The following WWTR1 variants were observed in gnomAD, a reference collection of about 807,000 sequenced individuals.
The protein encoded by WWTR1 is WW domain-containing transcription regulator protein 1.
A neutral mutation model predicts 40.1 loss-of-function variants in WWTR1; 13 were observed. The observed-to-expected ratio is 0.32, with a 90% CI of 0.21 to 0.52. The LOEUF is 0.52. Among genes scored for constraint, WWTR1 ranks in the 20% least tolerant of loss-of-function variants. The pLI is 0.97. For synonymous variants in WWTR1, 230 were observed against 210.1 expected, an observed-to-expected ratio of 1.09 and a Z score of -0.82; for missense variants, 436 against 523.1, an observed-to-expected ratio of 0.83 and a Z score of 1.63.
intron 2 of WWTR1, among the ~76,000 whole-genome samples, chr3:149,610,739 C>G (rs1277088357): frequency 6.6e-6 from 1 of 152,196 alleles, no homozygotes; most frequent in East Asian, 1.9e-4. Context: ...AAAGCAGCCA[C>G]CATTCATTCA....
intron 2 of WWTR1, among the ~76,000 whole-genome samples, chr3:149,646,103 T>C (rs1712512958): frequency 1.3e-5 from 2 of 152,234 alleles, no homozygotes; most frequent in African/African-American, 2.4e-5. Flanking sequence ...ATGAAAGGTA[T>C]GATTAATTGG....
intron 3 of WWTR1, among the ~76,000 whole-genome samples, chr3:149,549,693 G>T (rs1479960550): frequency 6.6e-6 from 1 of 152,106 alleles, no homozygotes; most frequent in Non-Finnish European, 1.5e-5. Context: ...TTAAAAATTA[G>T]CTGGGCATGG....
chr3:149,561,307 T>A (rs942452448), intron 3 of WWTR1, among the ~76,000 whole-genome samples: 5 of 150,778 alleles, frequency 3.3e-5, no homozygotes, highest in African/African-American at 1.2e-4. Flanking sequence ...AAGAAGTATG[T>A]CCAAGTCTAT....
At chr3:149,652,424 C>T (rs1159138203) in intron 2 of WWTR1, among the ~76,000 whole-genome samples, 3 of 151,062 alleles carry the variant, frequency 2.0e-5, no homozygotes, top group Non-Finnish European at 4.4e-5. Flanking sequence ...GAGTTTGAGA[C>T]CAGCCTGGGC....
chr3:149,554,325 C>T (rs1048900578), intron 3 of WWTR1, among the ~76,000 whole-genome samples: 13 of 152,264 alleles, frequency 8.5e-5, no homozygotes, highest in African/African-American at 2.2e-4. Flanking sequence ...GATGGGCCTC[C>T]GGTCCTCCAG....
Position 149,518,653 on chromosome 3 carries a change from C to T in WWTR1, c.*2152G>A, listed in dbSNP as rs1425472309. ...GTCCTTCAGGTAAAATAAGTCATTTCATAGTGATGGAGGCAACAGCAGGCT... is the reference window on the plus strand; with the variant it reads ...GTCCTTCAGGTAAAATAAGTCATTTTATAGTGATGGAGGCAACAGCAGGCT... On this transcript the variant is annotated 3_prime_UTR_variant, in exon 7 of 7. Coordinates refer to ENST00000360632, the MANE Select transcript of WWTR1 (RefSeq NM_015472.6). The T allele has an allele frequency of 6.6e-6, 1 of 151,990 alleles. No homozygotes were observed. Among genetic ancestry groups the T allele is most frequent in the African/African-American group, 2.4e-5 (1 of 41,386 alleles). The allele number at this position is 151,990 out of a possible 1,614,324, so 9.4% of individuals were successfully genotyped here. A position where few individuals can be genotyped will look rare whatever the true frequency, so the allele number is the denominator to read the frequency against.
At chr3:149,676,929 T>A (rs960127148) in intron 1 of WWTR1, among the ~76,000 whole-genome samples, 3 of 151,796 alleles carry the variant, frequency 2.0e-5, no homozygotes, top group African/African-American at 7.3e-5. Context: ...ACTCTTTTTT[T>A]TTTTTTTAGA....
intron 2 of WWTR1, among the ~76,000 whole-genome samples, chr3:149,651,038 C>A (rs547045636): frequency 2.0e-5 from 3 of 152,152 alleles, no homozygotes; most frequent in African/African-American, 7.2e-5. Context: ...ATCTCCTGTG[C>A]GCCAGATGCT....
chr3:149,572,106 T>G (rs1323010085), intron 3 of WWTR1, among the ~76,000 whole-genome samples: 1 of 152,148 alleles, frequency 6.6e-6, no homozygotes, highest in Admixed American at 6.5e-5. Flanking sequence ...AATGGTTAAC[T>G]CCCTTCTAAA....
chr3:149,535,748 C>T (rs980789699), intron 4 of WWTR1, among the ~76,000 whole-genome samples: 2 of 149,782 alleles, frequency 1.3e-5, no homozygotes, highest in African/African-American at 4.9e-5. Flanking sequence ...TGCAGTGGCT[C>T]ACACCTGTAA....
At chr3:149,680,614 A>C (rs1714428318) in intron 1 of WWTR1, among the ~76,000 whole-genome samples, 1 of 151,848 alleles carries the variant, frequency 6.6e-6, no homozygotes, top group African/African-American at 2.4e-5. Flanking sequence ...TGGGAGGATC[A>C]CTTGAGGCCA....
At chr3:149,678,949 C>T (rs1437000551) in intron 1 of WWTR1, among the ~76,000 whole-genome samples, 3 of 151,842 alleles carry the variant, frequency 2.0e-5, no homozygotes, top group East Asian at 3.9e-4. Context: ...CCTGCCTCTG[C>T]CTCCCTAGTA....
intron 2 of WWTR1, among the ~76,000 whole-genome samples, chr3:149,592,199 A>C (rs1221739794): frequency 2.0e-5 from 3 of 152,240 alleles, no homozygotes; most frequent in Non-Finnish European, 4.4e-5. Context: ...TATACAATAC[A>C]TATGCATATA....
chr3:149,560,248 C>A (rs1215041376), intron 3 of WWTR1, among the ~76,000 whole-genome samples: 1 of 152,170 alleles, frequency 6.6e-6, no homozygotes, highest in Non-Finnish European at 1.5e-5. Flanking sequence ...AGTTTCGACA[C>A]TGAGATTCCC....
At chr3:149,614,569 C>A (rs1739879203) in intron 2 of WWTR1, among the ~76,000 whole-genome samples, 1 of 152,194 alleles carries the variant, frequency 6.6e-6, no homozygotes, top group Non-Finnish European at 1.5e-5. Flanking sequence ...ATAAGAATTT[C>A]TTTTCATGTA....
intron 3 of WWTR1, among the ~76,000 whole-genome samples, chr3:149,554,326 G>A (rs887656935): frequency 2.0e-5 from 3 of 152,178 alleles, no homozygotes; most frequent in African/African-American, 4.8e-5. Flanking sequence ...ATGGGCCTCC[G>A]GTCCTCCAGA....
At chr3:149,656,839 G>A in intron 2 of WWTR1, 37 bp downstream of exon 2, 1 of 1,496,150 alleles carries the variant, frequency 6.7e-7, no homozygotes, top group Non-Finnish European at 8.8e-7. Flanking sequence ...GTTGGGCACT[G>A]TGACTTGGTG....
At chr3:149,644,536 C>T (rs78404033) in intron 2 of WWTR1, among the ~76,000 whole-genome samples, 4,307 of 152,250 alleles carry the variant, frequency 0.028, 74 homozygotes, top group Non-Finnish European at 0.035. Flanking sequence ...ATGGTTACCC[C>T]GATAAGGCTT....
At chr3:149,622,518 A>G (rs150574663) in intron 2 of WWTR1, among the ~76,000 whole-genome samples, 15 of 140,246 alleles carry the variant, frequency 1.1e-4, no homozygotes, top group Middle Eastern at 3.6e-3. Flanking sequence ...AGAAAGAAAG[A>G]AAGAAAGAAA....
Sources: allele counts gnomAD v4.1 joint callset (sites outside exome capture counted in the v4.1 genomes callset), GRCh38; gene constraint gnomAD v4.1.1; transcripts MANE v1.5; gene names NCBI Gene and HGNC (gene_info 2026-07-23, HGNC 2026-07-21).